Variants in MYO1B observed in about 807,000 individuals in gnomAD.
MYO1B encodes the protein unconventional myosin-Ib.
MYO1B carries 72 observed loss-of-function variants against 159.7 expected under a neutral mutation model. The ratio of observed to expected loss-of-function variants is 0.45; its 90% CI spans 0.37 to 0.55. MYO1B has a LOEUF of 0.55. Among genes scored for constraint, MYO1B ranks in the 20% least tolerant of loss-of-function variants. The probability of loss-of-function intolerance (pLI) is 0.00; values close to 1 mark genes in which losing one functional copy is unlikely to be tolerated. For missense variants in MYO1B, 1,062 were observed against 1,364.8 expected (o/e 0.78, Z 3.50); for synonymous variants, 468 against 473.8 (o/e 0.99, Z 0.16).
intron 2 of MYO1B, among the ~76,000 whole-genome samples, chr2:191,283,805 A>G (rs1260173514): frequency 2.0e-5 from 3 of 152,226 alleles, no homozygotes; most frequent in Non-Finnish European, 4.4e-5. Flanking sequence ...AGCCCTTTCA[A>G]TTCTCAAAAT....
intron 23 of MYO1B, chr2:191,402,207 C>T (rs1431898199): frequency 5.8e-6 from 1 of 171,396 alleles, no homozygotes. Context: ...GGGATGAACT[C>T]AGGAGTGCAT....
Position 191,386,039 on chromosome 2 carries a change from G to A in MYO1B, c.1509G>A (p.Thr503=), listed in dbSNP as rs760264478. The change falls in exon 16 of 31, where the codon ACG becomes ACA. Residue 503 remains threonine (T), a synonymous_variant. Transcript: ENST00000392318. ...MSKCSRFLND[T]SLPHSCFRIQ... ...AGTGCTCTCGGTTCCTCAATGACAC[G>A]TCTCTGCCTCACAGCTGCTTCAGGA... 6.4e-5 allele frequency: 103 copies of A among 1,613,960 alleles called. No homozygotes were observed. The highest frequency in any genetic ancestry group is 7.6e-5 in the Non-Finnish European group (90 of 1,180,010).
intron 3 of MYO1B, among the ~76,000 whole-genome samples, chr2:191,317,877 A>C (rs538471264): frequency 2.0e-5 from 3 of 152,326 alleles, no homozygotes; most frequent in Admixed American, 2.0e-4. Context: ...CTGAAATAAC[A>C]TTTTATTTCA....
At chr2:191,302,298 T>G (rs762416680) in intron 3 of MYO1B, among the ~76,000 whole-genome samples, 1 of 152,224 alleles carries the variant, frequency 6.6e-6, no homozygotes, top group Non-Finnish European at 1.5e-5. Context: ...AGAAACTTTA[T>G]CCTGCACATC....
chr2:191,363,625 ATGGGT>A (rs2126017725), intron 9 of MYO1B, 98 bp from the exon 10 acceptor site: 2 of 1,406,318 alleles, frequency 1.4e-6, no homozygotes, highest in Admixed American at 2.6e-5. Context: ...TTTGTCTTTT[ATGGGT>A]TTTTTTCCCC....
intron 1 of MYO1B, among the ~76,000 whole-genome samples, chr2:191,266,262 C>A (rs1687133964): frequency 6.6e-6 from 1 of 152,130 alleles, no homozygotes; most frequent in Non-Finnish European, 1.5e-5. Context: ...AAGAAAGGGG[C>A]ATTGGAGAGG....
At chr2:191,391,156 G>A (rs2126101589) in intron 18 of MYO1B, among the ~76,000 whole-genome samples, 1 of 152,322 alleles carries the variant, frequency 6.6e-6, no homozygotes, top group African/African-American at 2.4e-5. Context: ...GAGAAATCAA[G>A]CCTTATTCCT....
Position 191,350,196 on chromosome 2 carries a change from G to T in MYO1B, c.533G>T (p.Gly178Val). ...ATGGATATTGAATTTGACTTTAAAG[G>T]CGATCCACTAGGAGGAGTAATAAGT... ...KYMDIEFDFK[G>V]DPLGGVISNY... The change falls in exon 7 of 31, where the codon GGC (glycine) becomes GTC (valine). Residue 178 changes from glycine to valine, a missense_variant. Transcript: ENST00000392318. 6.2e-7 allele frequency: 1 copy of T among 1,612,792 alleles called. No homozygotes were observed. Among genetic ancestry groups the T allele is most frequent in the East Asian group, 2.2e-5 (1 of 44,678 alleles).
At position 191,414,151 on chromosome 2, in the gene MYO1B, G is replaced by A. The variant is rs762023617; in HGVS notation, c.2977G>A (p.Val993Met). Reference sequence around the variant, plus strand: ...AGAAAAGATCATCATTGCTGAAGTCGTGAACAAAATTAACCGTGCTAATGG... The same window carrying A: ...AGAAAAGATCATCATTGCTGAAGTCATGAACAAAATTAACCGTGCTAATGG... ...IEEKIIIAEV[V>M]NKINRANGKS... is the part of the protein sequence containing the mutation. Residue 993 changes from valine to methionine, a missense_variant, in exon 28 of 31, where the codon GTG becomes ATG. Coordinates refer to ENST00000392318, the MANE Select transcript of MYO1B (RefSeq NM_001130158.3). The A allele has an allele frequency of 6.2e-6, 10 of 1,613,062 alleles. No homozygotes were observed. The highest frequency in any genetic ancestry group is 7.6e-6 in the Non-Finnish European group (9 of 1,179,572).
intron 13 of MYO1B, among the ~76,000 whole-genome samples, chr2:191,372,404 A>G (rs1360306203): frequency 6.6e-6 from 1 of 152,198 alleles, no homozygotes; most frequent in African/African-American, 2.4e-5. Flanking sequence ...GGGAAAAGAA[A>G]CACTTATAAC....
chr2:191,278,722 A>G (rs1243874321), intron 2 of MYO1B, among the ~76,000 whole-genome samples: 1 of 152,264 alleles, frequency 6.6e-6, no homozygotes, highest in African/African-American at 2.4e-5. Flanking sequence ...GCTTGGCAGT[A>G]CTGCCTGGTG....
At chr2:191,366,426 C>T (rs1694015247) in intron 11 of MYO1B, among the ~76,000 whole-genome samples, 1 of 151,570 alleles carries the variant, frequency 6.6e-6, no homozygotes. Context: ...GTATCTGGTT[C>T]TACTGATCTA....
chr2:191,420,649 A>T (rs1242361446), intron 30 of MYO1B, among the ~76,000 whole-genome samples: 1 of 152,246 alleles, frequency 6.6e-6, no homozygotes, highest in African/African-American at 2.4e-5. Flanking sequence ...TAGATGATGC[A>T]TGACTATATT....
intron 3 of MYO1B, among the ~76,000 whole-genome samples, chr2:191,328,279 A>G (rs760706942): frequency 1.3e-5 from 2 of 152,212 alleles, no homozygotes; most frequent in African/African-American, 2.4e-5. Context: ...AAGAAAAGCC[A>G]AAGTCCTTGA....
At chr2:191,301,265 CATT>C (rs10551801) in intron 3 of MYO1B, among the ~76,000 whole-genome samples, 80,081 of 151,644 alleles carry the variant, frequency 0.53, 21,854 homozygotes, top group East Asian at 0.65. Context: ...CCAGGGAGGA[CATT>C]TCAGAAACAT....
chr2:191,245,504 CT>C lies in MYO1B; in HGVS notation c.-130del, dbSNP rs1394341245. ...AGTCGGCCGGCAGCCGCGGGACAGCCTTGGCAGAACAGCCGCGGCGGGAGCC... is the reference window on the plus strand; with the variant it reads ...AGTCGGCCGGCAGCCGCGGGACAGCCTGGCAGAACAGCCGCGGCGGGAGCC... On this transcript the variant is annotated 5_prime_UTR_variant, in exon 1 of 31. Coordinates refer to ENST00000392318, the MANE Select transcript of MYO1B (RefSeq NM_001130158.3). 6.6e-6 allele frequency: 1 copy of C among 152,134 alleles called. No individual in the cohort carries two copies. Among genetic ancestry groups the C allele is most frequent in the Non-Finnish European group, 1.5e-5 (1 of 68,034 alleles). 9.4% of individuals were successfully genotyped at this position (152,134 alleles called of 1,614,324 possible).
chr2:191,260,037 G>A (rs1686701606), intron 1 of MYO1B, among the ~76,000 whole-genome samples: 1 of 152,000 alleles, frequency 6.6e-6, no homozygotes, highest in African/African-American at 2.4e-5. Flanking sequence ...GGAAGGCGGA[G>A]GATAGAACTC....
At position 191,359,319 on chromosome 2, in the gene MYO1B, T is replaced by TTG. The variant is rs201913255; in HGVS notation, c.563-1311_563-1310insGT. On this transcript the variant is annotated intron_variant, in intron 7 of 30. Transcript: ENST00000392318. ...TACTTTTCAACCTTTGGGGTTTTTT[T>TTG]TTTTTTTCATGTTTTCTAAATATGA... Among the ~76,000 whole-genome samples the TTG allele has an allele frequency of 3.3e-3, 495 of 151,414 alleles. 5 individuals are homozygous for TTG. Among genetic ancestry groups the TTG allele is most frequent in the African/African-American group, 0.011 (474 of 41,348 alleles).
chr2:191,276,766 A>AT, intron 1 of MYO1B, 121 bp from the exon 2 acceptor site: 1 of 1,212,370 alleles, frequency 8.2e-7, no homozygotes, highest in Non-Finnish European at 1.1e-6. Context: ...AGGTTATGAC[A>AT]TTTTTTAAGG....
Sources: gnomAD v4.1 joint callset for allele counts (sites outside exome capture counted in the v4.1 genomes callset) on GRCh38, gnomAD v4.1.1 for gene constraint, MANE v1.5 for transcripts, NCBI Gene and HGNC (gene_info 2026-07-23, HGNC 2026-07-21) for gene names.